Variants in NRXN1 observed in about 807,000 individuals in gnomAD.
NRXN1 encodes the protein neurexin-1.
NRXN1 carries 39 observed loss-of-function variants against 150.9 expected under a neutral mutation model. That is an observed-to-expected ratio of 0.26 (90% CI 0.20 to 0.34). NRXN1 has a LOEUF of 0.34. NRXN1 is among the 10% of genes least tolerant of loss of function. The pLI, the probability that NRXN1 is intolerant of heterozygous loss-of-function variation, is 1.00. For synonymous variants in NRXN1, 924 were observed against 757.0 expected, an observed-to-expected ratio of 1.22 and a Z score of -3.62; for missense variants, 1,815 against 1,949.9, an observed-to-expected ratio of 0.93 and a Z score of 1.30.
intron 19 of NRXN1, among the ~76,000 whole-genome samples, chr2:50,066,367 G>A (rs1421848795): frequency 1.3e-5 from 2 of 152,142 alleles, no homozygotes; most frequent in Non-Finnish European, 2.9e-5. Context: ...TAGATAATGA[G>A]ACATAAGTAC....
At chr2:50,785,038 C>G (rs1704885690) in intron 5 of NRXN1, among the ~76,000 whole-genome samples, 1 of 152,016 alleles carries the variant, frequency 6.6e-6, no homozygotes, top group Admixed American at 6.6e-5. Context: ...ATAATTATGA[C>G]ACCCTAATCC....
In NRXN1 at chr2:51,026,487, G is replaced by T. The variant is rs200375396; in HGVS notation, c.772+1015C>A. The T allele has an allele frequency of 7.5e-5, 116 of 1,536,500 alleles. No homozygotes were observed. The highest frequency in any genetic ancestry group is 9.9e-5 in the Non-Finnish European group (111 of 1,122,000). ...TTTTATTTCTAAAGAGGAGAAAAGA[G>T]AACTTAGGTATGACTTTTGTAGTTT... On this transcript the variant is annotated intron_variant, in intron 2 of 22. Coordinates refer to ENST00000401669, the MANE Select transcript of NRXN1 (RefSeq NM_001330078.2).
At chr2:50,308,977 T>A (rs964978539) in intron 17 of NRXN1, among the ~76,000 whole-genome samples, 1 of 152,192 alleles carries the variant, frequency 6.6e-6, no homozygotes, top group African/African-American at 2.4e-5. Context: ...AAGCACTTAA[T>A]GAGGTCAGAC....
chr2:50,923,319 G>A (rs1028585317), intron 3 of NRXN1: 1 of 209,854 alleles, frequency 4.8e-6, no homozygotes, highest in Non-Finnish European at 1.0e-5. Flanking sequence ...AAGAAACAAT[G>A]GGTCAGCTGC....
chr2:50,528,228 A>G (rs1475539031), intron 12 of NRXN1, among the ~76,000 whole-genome samples: 1 of 105,326 alleles, frequency 9.5e-6, no homozygotes, highest in Non-Finnish European at 1.9e-5. Context: ...TCTCGAAGTA[A>G]GAGGAATTAA....
chr2:50,053,339 T>C lies in NRXN1; in HGVS notation c.4060A>G (p.Thr1354Ala). Residue 1354 changes from threonine to alanine, a missense_variant, in exon 21 of 23, where the codon ACT becomes GCT. Thr to Ala is a moderately conservative substitution (Grantham distance 58). Transcript: ENST00000401669. ...QSEMSTSIMETTTTLATSTAR... is the reference protein window; with the variant it reads ...QSEMSTSIMEATTTLATSTAR... ...GTGCTAGTAGCCAGGGTCGTGGTAG[T>C]CTCCATAATTGATGTGGACATCTCT... 6.2e-7 allele frequency: 1 copy of C among 1,614,024 alleles called. No homozygotes were observed. Among genetic ancestry groups the C allele is most frequent in the Non-Finnish European group, 8.5e-7 (1 of 1,179,922 alleles).
chr2:50,789,063 C>T (rs556364355), intron 5 of NRXN1, among the ~76,000 whole-genome samples: 1 of 152,096 alleles, frequency 6.6e-6, no homozygotes, highest in African/African-American at 2.4e-5. Context: ...TAGGTCCAAA[C>T]AAACCAAAAC....
chr2:50,255,011 T>C (rs181376165), intron 17 of NRXN1, among the ~76,000 whole-genome samples: 2 of 152,098 alleles, frequency 1.3e-5, no homozygotes, highest in Non-Finnish European at 2.9e-5. Flanking sequence ...TTTTGCCATG[T>C]TACCTAGGCT....
At chr2:49,974,204 C>T (rs1186350647) in intron 21 of NRXN1, 2 of 700,288 alleles carry the variant, frequency 2.9e-6, no homozygotes, top group Non-Finnish European at 2.7e-6. Flanking sequence ...ACACAGAAAA[C>T]GCTCTGTCAG....
At chr2:50,135,457 C>G (rs527939053) in intron 18 of NRXN1, among the ~76,000 whole-genome samples, 1 of 152,140 alleles carries the variant, frequency 6.6e-6, no homozygotes, top group South Asian at 2.1e-4. Flanking sequence ...CTTTGGGAGG[C>G]TGAGGTAGGT....
At chr2:50,915,715 C>A (rs562290136) in intron 5 of NRXN1, among the ~76,000 whole-genome samples, 2 of 151,014 alleles carry the variant, frequency 1.3e-5, no homozygotes. Context: ...TTTGTTAAAC[C>A]TTTGGCAGAT....
chr2:50,840,820 G>A (rs1266425075), intron 5 of NRXN1, among the ~76,000 whole-genome samples: 2 of 152,076 alleles, frequency 1.3e-5, no homozygotes, highest in Non-Finnish European at 2.9e-5. Flanking sequence ...TCCTTGTTAT[G>A]AGGACATTTT....
chr2:50,049,434 T>C (rs1356686676), intron 21 of NRXN1, among the ~76,000 whole-genome samples: 1 of 152,156 alleles, frequency 6.6e-6, no homozygotes, highest in Middle Eastern at 3.2e-3. Flanking sequence ...GTGACCCAAG[T>C]TGTCCAAGTC....
intron 17 of NRXN1, among the ~76,000 whole-genome samples, chr2:50,388,153 G>C (rs1212972346): frequency 6.6e-6 from 1 of 152,042 alleles, no homozygotes; most frequent in African/African-American, 2.4e-5. Flanking sequence ...TACATTTTGG[G>C]CAATCTGGGG....
At chr2:50,844,379 ATTCTG>A (rs1673324534) in intron 5 of NRXN1, among the ~76,000 whole-genome samples, 1 of 152,168 alleles carries the variant, frequency 6.6e-6, no homozygotes, top group Non-Finnish European at 1.5e-5. Flanking sequence ...CTTCGTCTAC[ATTCTG>A]TTCACTTATG....
chr2:50,337,838 T>C (rs963536260), intron 17 of NRXN1, among the ~76,000 whole-genome samples: 7 of 152,296 alleles, frequency 4.6e-5, no homozygotes, highest in African/African-American at 1.7e-4. Flanking sequence ...CATTTAAAAA[T>C]AAGATTACTG....
At chr2:50,641,219 A>G (rs1028155651) in intron 5 of NRXN1, among the ~76,000 whole-genome samples, 14 of 152,158 alleles carry the variant, frequency 9.2e-5, no homozygotes, top group African/African-American at 3.4e-4. Context: ...TGTTGACTAA[A>G]AGCCTCCTCA....
chr2:49,995,661 G>T (rs1021257946), intron 21 of NRXN1, among the ~76,000 whole-genome samples: 1 of 151,164 alleles, frequency 6.6e-6, no homozygotes, highest in Admixed American at 6.6e-5. Flanking sequence ...GGTGTCTGTA[G>T]TCCCAGCTAC....
chr2:49,999,686 G>A (rs1394979499), intron 21 of NRXN1, among the ~76,000 whole-genome samples: 5 of 151,978 alleles, frequency 3.3e-5, no homozygotes, highest in African/African-American at 9.7e-5. Flanking sequence ...CCTCTTTGTC[G>A]TATACTTATT....
Sources: gnomAD v4.1 joint callset for allele counts (sites outside exome capture counted in the v4.1 genomes callset) on GRCh38, gnomAD v4.1.1 for gene constraint, MANE v1.5 for transcripts, NCBI Gene and HGNC (gene_info 2026-07-23, HGNC 2026-07-21) for gene names.